The following ZNF804B variants were observed in gnomAD, a reference collection of about 807,000 sequenced individuals.
ZNF804B encodes zinc finger protein 804B.
A neutral mutation model predicts 101.4 loss-of-function variants in ZNF804B; 80 were observed. The ratio of observed to expected loss-of-function variants is 0.79; its 90% CI spans 0.66 to 0.95. The LOEUF (loss-of-function observed/expected upper bound fraction) is 0.95. Among genes scored for constraint, ZNF804B ranks in the 40% least tolerant of loss-of-function variants. The pLI, the probability that ZNF804B is intolerant of heterozygous loss-of-function variation, is 0.00. For synonymous variants in ZNF804B, 622 were observed against 558.8 expected, an observed-to-expected ratio of 1.11 and a Z score of -1.59; for missense variants, 1,673 against 1,561.9, an observed-to-expected ratio of 1.07 and a Z score of -1.20.
chr7:89,064,618 C>A (rs1363981602), intron 1 of ZNF804B, among the ~76,000 whole-genome samples: 1 of 152,110 alleles, frequency 6.6e-6, no homozygotes, highest in Non-Finnish European at 1.5e-5. Flanking sequence ...TCCTTTCCCC[C>A]TTTTTAAGAT....
intron 2 of ZNF804B, among the ~76,000 whole-genome samples, chr7:89,298,255 T>TAC (rs1790420186): frequency 4.9e-5 from 6 of 122,512 alleles, no homozygotes; most frequent in African/African-American, 1.9e-4. Context: ...TATATATATA[T>TAC]ATACTTTAAG....
chr7:88,918,769 G>T (rs1015099223), intron 1 of ZNF804B, among the ~76,000 whole-genome samples: 2 of 152,048 alleles, frequency 1.3e-5, no homozygotes, highest in African/African-American at 4.8e-5. Flanking sequence ...GTGGGATTGG[G>T]GGGTGAGGGG....
chr7:89,060,345 A>T (rs2116280573), intron 1 of ZNF804B, among the ~76,000 whole-genome samples: 1 of 152,268 alleles, frequency 6.6e-6, no homozygotes, highest in South Asian at 2.1e-4. Context: ...GAGCTGTGAA[A>T]TTGTTCTCTT....
intron 1 of ZNF804B, among the ~76,000 whole-genome samples, chr7:88,971,226 G>A (rs1042282662): frequency 6.6e-6 from 1 of 151,424 alleles, no homozygotes; most frequent in African/African-American, 2.4e-5. Flanking sequence ...TTGACCGTTT[G>A]GTCAATGACT....
intron 1 of ZNF804B, among the ~76,000 whole-genome samples, chr7:89,098,578 A>T (rs140828181): frequency 2.9e-3 from 444 of 152,088 alleles, no homozygotes; most frequent in Middle Eastern, 0.01. Context: ...GGCCCATAAC[A>T]ACTTTTTTTA....
At chr7:89,217,702 T>C (rs1374208104) in intron 1 of ZNF804B, among the ~76,000 whole-genome samples, 1 of 152,172 alleles carries the variant, frequency 6.6e-6, no homozygotes, top group Non-Finnish European at 1.5e-5. Flanking sequence ...ATGTTGAACA[T>C]AATGGATACA....
intron 1 of ZNF804B, among the ~76,000 whole-genome samples, chr7:89,174,914 G>T (rs922552208): frequency 6.6e-6 from 1 of 151,902 alleles, no homozygotes; most frequent in African/African-American, 2.4e-5. Context: ...TGTCTATTCA[G>T]ATATTTTGCC....
At position 89,335,832 on chromosome 7, in the gene ZNF804B, T is replaced by G. The variant is rs746730569; in HGVS notation, c.2850T>G (p.Ser950Arg). Residue 950 changes from serine to arginine, a missense_variant, in exon 4 of 4, where the codon AGT becomes AGG. Coordinates refer to ENST00000333190, the MANE Select transcript of ZNF804B (RefSeq NM_181646.5). ...QSSNVEISSN[S>R]CKSELEAPSQ... ...GTAATGTTGAGATCTCTTCAAACAG[T>G]TGTAAAAGTGAATTAGAGGCTCCTT... 1.2e-6 allele frequency: 2 copies of G among 1,614,002 alleles called. No individual in the cohort carries two copies.
At chr7:89,167,805 T>G (rs1392162278) in intron 1 of ZNF804B, among the ~76,000 whole-genome samples, 3 of 152,294 alleles carry the variant, frequency 2.0e-5, no homozygotes, top group East Asian at 3.9e-4. Flanking sequence ...TGGTGATTGT[T>G]AAGTTATATA....
At chr7:89,076,045 G>T (rs1199093328) in intron 1 of ZNF804B, among the ~76,000 whole-genome samples, 1 of 152,194 alleles carries the variant, frequency 6.6e-6, no homozygotes, top group Non-Finnish European at 1.5e-5. Context: ...ACTTGCTTTT[G>T]ATTTTACAGG....
At chr7:88,843,585 A>C (rs564060288) in intron 1 of ZNF804B, among the ~76,000 whole-genome samples, 1 of 152,120 alleles carries the variant, frequency 6.6e-6, no homozygotes, top group East Asian at 1.9e-4. Flanking sequence ...AAAATACAAA[A>C]AATTAGCTGG....
At chr7:89,116,380 T>G (rs934144713) in intron 1 of ZNF804B, among the ~76,000 whole-genome samples, 1 of 152,160 alleles carries the variant, frequency 6.6e-6, no homozygotes, top group African/African-American at 2.4e-5. Flanking sequence ...TCAATTATAA[T>G]AGTATTCTGC....
chr7:88,823,044 A>G (rs1791005177), intron 1 of ZNF804B, among the ~76,000 whole-genome samples: 1 of 152,028 alleles, frequency 6.6e-6, no homozygotes, highest in Non-Finnish European at 1.5e-5. Context: ...CCCCATCTCT[A>G]CAAAAAAATA....
intron 1 of ZNF804B, among the ~76,000 whole-genome samples, chr7:88,909,056 C>T (rs1316797102): frequency 2.0e-5 from 3 of 151,638 alleles, no homozygotes; most frequent in African/African-American, 7.3e-5. Flanking sequence ...AAAAATCAAT[C>T]TTTATTTTTA....
At chr7:89,123,809 A>G (rs1434000944) in intron 1 of ZNF804B, among the ~76,000 whole-genome samples, 2 of 152,182 alleles carry the variant, frequency 1.3e-5, no homozygotes, top group East Asian at 1.9e-4. Flanking sequence ...TAATTGGTTT[A>G]GTTGGAATTG....
At chr7:89,013,104 T>C (rs1317341781) in intron 1 of ZNF804B, among the ~76,000 whole-genome samples, 3 of 152,098 alleles carry the variant, frequency 2.0e-5, no homozygotes, top group Admixed American at 1.3e-4. Context: ...CAAGATCCAA[T>C]TACCTCCACC....
chr7:89,300,701 C>T (rs1039400491), intron 2 of ZNF804B, among the ~76,000 whole-genome samples: 11 of 151,874 alleles, frequency 7.2e-5, no homozygotes, highest in African/African-American at 2.2e-4. Context: ...GAGGTATATA[C>T]TGAGTGCCTA....
intron 1 of ZNF804B, among the ~76,000 whole-genome samples, chr7:89,056,848 G>T (rs1175441926): frequency 6.6e-6 from 1 of 152,120 alleles, no homozygotes; most frequent in African/African-American, 2.4e-5. Flanking sequence ...TTGCAACAGA[G>T]GAAGAGGTTT....
At chr7:89,193,127 A>G (rs1220393101) in intron 1 of ZNF804B, among the ~76,000 whole-genome samples, 5 of 152,024 alleles carry the variant, frequency 3.3e-5, no homozygotes, top group African/African-American at 1.2e-4. Flanking sequence ...TATTCAGCAT[A>G]GTATTGGAAG....
Sources: allele counts gnomAD v4.1 joint callset (sites outside exome capture counted in the v4.1 genomes callset), GRCh38; gene constraint gnomAD v4.1.1; transcripts MANE v1.5; gene names NCBI Gene and HGNC (gene_info 2026-07-23, HGNC 2026-07-21).